The following WFDC1 variants were observed in gnomAD, a reference collection of about 807,000 sequenced individuals.
WFDC1 encodes WAP four-disulfide core domain 1.
WFDC1 carries 39 observed loss-of-function variants against 32.9 expected under a neutral mutation model. The observed-to-expected ratio is 1.19, with a 90% confidence interval of 0.92 to 1.55. WFDC1 has a LOEUF of 1.55. WFDC1 is among the 40% of genes most tolerant of loss of function. The pLI, the probability that WFDC1 is intolerant of heterozygous loss-of-function variation, is 0.00. For synonymous variants in WFDC1, 184 were observed against 137.4 expected (o/e 1.34, Z -2.37); for missense variants, 386 against 309.5 (o/e 1.25, Z -1.85).
intron 4 of WFDC1, among the ~76,000 whole-genome samples, chr16:84,323,516 A>C (rs927347981): frequency 6.6e-6 from 1 of 152,230 alleles, no homozygotes; most frequent in Non-Finnish European, 1.5e-5. Flanking sequence ...CACTTTTTAC[A>C]CACAAAGATA....
chr16:84,305,381 G>T (rs1436677752), intron 1 of WFDC1, among the ~76,000 whole-genome samples: 1 of 152,250 alleles, frequency 6.6e-6, no homozygotes, highest in Non-Finnish European at 1.5e-5. Context: ...CACATGCTGG[G>T]TGGCTGTTTC....
chr16:84,301,552 G>C (rs558445842), intron 1 of WFDC1, among the ~76,000 whole-genome samples: 1 of 152,128 alleles, frequency 6.6e-6, no homozygotes, highest in Non-Finnish European at 1.5e-5. Context: ...GTCAGCGGGT[G>C]CTCAGTAGGC....
At chr16:84,308,751 G>T (rs1431270168) in intron 1 of WFDC1, among the ~76,000 whole-genome samples, 2 of 151,944 alleles carry the variant, frequency 1.3e-5, no homozygotes, top group Non-Finnish European at 2.9e-5. Flanking sequence ...ACGCCATCCT[G>T]AGTGTAGATG....
intron 1 of WFDC1, among the ~76,000 whole-genome samples, chr16:84,305,728 G>A (rs975837939): frequency 6.6e-5 from 10 of 152,186 alleles, no homozygotes; most frequent in African/African-American, 1.7e-4. Flanking sequence ...GGAGCCAGGC[G>A]TGGTGGCTGA....
At chr16:84,319,642 C>A in intron 4 of WFDC1, 71 bp downstream of exon 4, 3 of 1,559,970 alleles carry the variant, frequency 1.9e-6, no homozygotes, top group Non-Finnish European at 1.7e-6. Context: ...CGCCTCTCAC[C>A]CGCATGGACG....
chr16:84,323,405 A>T (rs1230141080), intron 4 of WFDC1, among the ~76,000 whole-genome samples: 1 of 152,218 alleles, frequency 6.6e-6, no homozygotes, highest in African/African-American at 2.4e-5. Context: ...TCAAGCATCC[A>T]CATGTCCTGG....
intron 4 of WFDC1, among the ~76,000 whole-genome samples, chr16:84,322,853 G>C (rs774849493): frequency 1.1e-4 from 17 of 152,234 alleles, no homozygotes; most frequent in Non-Finnish European, 1.3e-4. Context: ...AGCTGCGGGG[G>C]CTGGCCCCTC....
In WFDC1 at chr16:84,319,703, A is replaced by C. The variant is rs983561674; in HGVS notation, c.562+132A>C. 26 of 1,208,858 alleles carry C rather than the reference A, an allele frequency of 2.2e-5. 1 individual carries two copies. The Admixed American group carries it at 5.8e-4, about 27-fold the overall frequency. The allele number at this position is 1,208,858 out of a possible 1,614,324, so 74.9% of individuals were successfully genotyped here. ...ACCTGGGCCTGACTGAGAGCTCCTC[A>C]CATCTTCCCCCTGCCCGGCTCCTTC... On this transcript the variant is annotated intron_variant, in intron 4 of 6. Transcript: ENST00000219454.
intron 6 of WFDC1, chr16:84,327,718 A>T (rs968150839): frequency 6.6e-6 from 1 of 152,208 alleles, no homozygotes. Flanking sequence ...ACTAGGTCGC[A>T]ACTTTCCTTT....
intron 4 of WFDC1, among the ~76,000 whole-genome samples, chr16:84,320,053 G>A (rs1211110229): frequency 1.3e-5 from 2 of 152,300 alleles, no homozygotes; most frequent in Non-Finnish European, 1.5e-5. Flanking sequence ...TAGACTTTAC[G>A]CTGGTGCAGA....
At chr16:84,314,657 G>C (rs1475219510) in intron 2 of WFDC1, among the ~76,000 whole-genome samples, 1 of 152,188 alleles carries the variant, frequency 6.6e-6, no homozygotes, top group African/African-American at 2.4e-5. Flanking sequence ...GACAGACAGG[G>C]ACTATTTCAG....
intron 1 of WFDC1, among the ~76,000 whole-genome samples, chr16:84,297,439 G>A (rs1382300624): frequency 2.6e-5 from 4 of 152,022 alleles, no homozygotes; most frequent in Non-Finnish European, 5.9e-5. Flanking sequence ...CCAACATGGT[G>A]AAACCCCATC....
intron 1 of WFDC1, among the ~76,000 whole-genome samples, chr16:84,309,314 A>G (rs528572436): frequency 8.4e-4 from 127 of 152,048 alleles, no homozygotes; most frequent in Non-Finnish European, 1.8e-4. Context: ...TCGGAGGTCG[A>G]GTGGGGAGCT....
At chr16:84,307,044 G>C (rs1907305791) in intron 1 of WFDC1, among the ~76,000 whole-genome samples, 1 of 152,192 alleles carries the variant, frequency 6.6e-6, no homozygotes, top group East Asian at 1.9e-4. Context: ...GGCAGATATG[G>C]TGGGTGGGCG....
At chr16:84,318,077 T>C (rs1041393710) in intron 2 of WFDC1, 195 bp from the exon 3 acceptor site, 6 of 563,344 alleles carry the variant, frequency 1.1e-5, no homozygotes, top group Non-Finnish European at 1.3e-5. Context: ...GTCCCCAGCT[T>C]TGTGGCCCAG....
chr16:84,312,538 A>C (rs188644632), intron 1 of WFDC1, among the ~76,000 whole-genome samples: 2 of 152,336 alleles, frequency 1.3e-5, no homozygotes, highest in Non-Finnish European at 2.9e-5. Context: ...ATGGATTCTA[A>C]GAAATCCACA....
intron 1 of WFDC1, among the ~76,000 whole-genome samples, chr16:84,303,020 T>TG (rs1907036165): frequency 8.2e-6 from 1 of 122,410 alleles, no homozygotes; most frequent in Non-Finnish European, 1.8e-5. Flanking sequence ...TTTCTTTCTT[T>TG]CTTTTTTTTT....
intron 1 of WFDC1, among the ~76,000 whole-genome samples, chr16:84,301,736 G>C (rs1363233148): frequency 6.6e-6 from 1 of 152,202 alleles, no homozygotes; most frequent in African/African-American, 2.4e-5. Flanking sequence ...ACCTGGCATG[G>C]AGGGGGGACT....
intron 2 of WFDC1, chr16:84,316,223 C>A (rs1437870565): frequency 6.6e-6 from 1 of 152,206 alleles, no homozygotes; most frequent in East Asian, 1.9e-4. Context: ...TGGCTCCTTT[C>A]TCTGCTGTTC....
Sources: allele counts gnomAD v4.1 joint callset (sites outside exome capture counted in the v4.1 genomes callset), GRCh38; gene constraint gnomAD v4.1.1; transcripts MANE v1.5; gene names NCBI Gene and HGNC (gene_info 2026-07-23, HGNC 2026-07-21).